DDX56: variants seen among roughly 807,000 people sequenced by gnomAD.
The protein encoded by DDX56 is DEAD-box helicase 56.
DDX56 carries 45 observed loss-of-function variants against 61.5 expected under a neutral mutation model. The ratio of observed to expected loss-of-function variants is 0.73; its 90% CI spans 0.58 to 0.94. DDX56 has a LOEUF of 0.94. Among genes scored for constraint, DDX56 ranks in the 40% least tolerant of loss-of-function variants. DDX56 has a pLI of 0.00. For synonymous variants in DDX56, 273 were observed against 268.3 expected (o/e 1.02, Z -0.17); for missense variants, 708 against 690.7 (o/e 1.02, Z -0.28).
chr7:44,573,469 C>T, intron 2 of DDX56, 114 bp downstream of exon 2: 1 of 1,396,228 alleles, frequency 7.2e-7, no homozygotes, highest in Non-Finnish European at 9.7e-7. Flanking sequence ...ACCAGGTTCT[C>T]AGGCCGGCCT....
chr7:44,573,813 G>C (rs1802745538), intron 1 of DDX56, 23 bp downstream of exon 1: 1 of 1,613,226 alleles, frequency 6.2e-7, no homozygotes, highest in African/African-American at 1.3e-5. Context: ...CCCGTAAGCC[G>C]GCTCCCCAGC....
intron 5 of DDX56, 75 bp from the exon 6 acceptor site, chr7:44,571,811 A>G: frequency 6.4e-7 from 1 of 1,574,098 alleles, no homozygotes; most frequent in Admixed American, 1.7e-5. Flanking sequence ...CACCAACCAA[A>G]GCATCAACAT....
Position 44,572,754 on chromosome 7 carries a change from G to T in DDX56, c.384-10C>A. 1.2e-6 allele frequency: 2 copies of T among 1,614,020 alleles called. No homozygotes were observed. The highest frequency in any genetic ancestry group is 1.6e-4 in the Middle Eastern group (1 of 6,062). ...CTCCATCAGCACAGCTCTGGAGGTG[G>T]ACAAGACATCAGTATCAGGCAGAAT... On this transcript the variant is annotated splice_polypyrimidine_tract_variant and intron_variant, in intron 3 of 13. Coordinates refer to ENST00000258772, the MANE Select transcript of DDX56 (RefSeq NM_019082.4).
intron 13 of DDX56, 170 bp from the exon 14 acceptor site, chr7:44,566,249 G>T (rs1321726517): frequency 2.9e-6 from 2 of 685,236 alleles, no homozygotes; most frequent in Non-Finnish European, 5.1e-6. Flanking sequence ...GGAAAGAAAA[G>T]CAGGGCCTGC....
chr7:44,573,798 C>T (rs941639922), intron 1 of DDX56, 38 bp downstream of exon 1: 7 of 1,613,296 alleles, frequency 4.3e-6, no homozygotes, highest in Non-Finnish European at 5.9e-6. Context: ...GCGCGCCCCG[C>T]AGAGCCCGTA....
chr7:44,569,696 T>A (rs1287183718), intron 9 of DDX56, 113 bp downstream of exon 9: 3 of 908,734 alleles, frequency 3.3e-6, no homozygotes, highest in Non-Finnish European at 5.2e-6. Flanking sequence ...GGATGGATGG[T>A]GGAAGTGGCC....
At position 44,573,625 on chromosome 7, in the gene DDX56, A is replaced by T. The variant is rs767680127; in HGVS notation, c.180T>A (p.Ala60=). 9.3e-6 allele frequency: 15 copies of T among 1,613,872 alleles called. 1 individual carries two copies. The highest frequency in any genetic ancestry group is 8.9e-5 in the East Asian group (4 of 44,890). Residue 60 remains alanine (A), a synonymous_variant, in exon 2 of 14, where the codon GCT becomes GCA. Transcript: ENST00000258772. ...ACAGCTGCAGCATCGGAATAGCATA[A>T]GCGGCCGTCTTCCCGGAGCCCGTGC... The part of the protein sequence containing the change: ...RARTGSGKTA[A]YAIPMLQLLL...
chr7:44,572,407 G>A lies in DDX56; in HGVS notation c.585C>T (p.Leu195=), dbSNP rs144360195. 33 of 1,614,122 alleles carry A rather than the reference G, an allele frequency of 2.0e-5. No homozygotes were observed. In the African/African-American group the frequency reaches 3.2e-4, roughly 16 times the overall value. Residue 195 remains leucine (L), a synonymous_variant, in exon 5 of 14, where the codon CTC becomes CTT. Transcript: ENST00000258772. ...CHLPRIYQAF[L]MSATFNEDVQ... ...CGTCCTCGTTAAAAGTAGCTGACATGAGAAAAGCCTGGTAAATCCGGGGCA... is the reference window on the plus strand; with the variant it reads ...CGTCCTCGTTAAAAGTAGCTGACATAAGAAAAGCCTGGTAAATCCGGGGCA...
Position 44,569,156 on chromosome 7 carries a change from TCTC to T in DDX56, c.1264_1266del (p.Glu422del), listed in dbSNP as rs1324262975. On this transcript the variant is annotated inframe_deletion, in exon 10 of 14. Coordinates refer to ENST00000258772, the MANE Select transcript of DDX56 (RefSeq NM_019082.4). ...CTGCAGCGATAGCGGAAGCCCTCGA[TCTC>T]CTCCATCCGGAACTGGTAGGGGAGC... 6.2e-7 allele frequency: 1 copy of T among 1,613,970 alleles called. No individual in the cohort carries two copies. The highest frequency in any genetic ancestry group is 8.5e-7 in the Non-Finnish European group (1 of 1,179,996).
chr7:44,571,920 T>C (rs553081990), intron 5 of DDX56, among the ~76,000 whole-genome samples, 184 bp from the exon 6 acceptor site: 3 of 152,342 alleles, frequency 2.0e-5, no homozygotes, highest in Admixed American at 2.0e-4. Flanking sequence ...TGTTGTGGTA[T>C]ATAGAGTATA....
chr7:44,568,066 T>C (rs1211346471), intron 12 of DDX56, 52 bp downstream of exon 12: 2 of 1,444,156 alleles, frequency 1.4e-6, no homozygotes, highest in African/African-American at 1.4e-5. Flanking sequence ...AGTGGAGAAA[T>C]TAATGCCACT....
chr7:44,570,270 C>T (rs1802639213), intron 7 of DDX56, 142 bp from the exon 8 acceptor site: 26 of 1,143,514 alleles, frequency 2.3e-5, no homozygotes, highest in Non-Finnish European at 3.2e-5. Flanking sequence ...TGGAACCGTT[C>T]CAGGAGTCAG....
At chr7:44,572,474 G>C (rs1802701603) in intron 4 of DDX56, 37 bp from the exon 5 acceptor site, 7 of 1,613,172 alleles carry the variant, frequency 4.3e-6, no homozygotes, top group East Asian at 2.2e-5. Flanking sequence ...CCAGCTCCAA[G>C]GGCCGCTAAT....
intron 9 of DDX56, 21 bp downstream of exon 9, chr7:44,569,788 C>T (rs769413068): frequency 1.3e-6 from 2 of 1,589,202 alleles, no homozygotes; most frequent in Non-Finnish European, 1.7e-6. Flanking sequence ...TGGCCCAGGA[C>T]CACAAGAGCC....
chr7:44,571,005 A>G (rs1034345429), intron 6 of DDX56, 128 bp from the exon 7 acceptor site: 64 of 1,193,358 alleles, frequency 5.4e-5, no homozygotes, highest in Non-Finnish European at 5.9e-5. Context: ...CTACTTAATC[A>G]TTGTGCCTCA....
At chr7:44,569,292 G>A in intron 9 of DDX56, 89 bp from the exon 10 acceptor site, 2 of 1,289,156 alleles carry the variant, frequency 1.6e-6, no homozygotes, top group Non-Finnish European at 2.2e-6. Context: ...CCCCTTGGGG[G>A]AAAGCAGCAG....
In DDX56 at chr7:44,567,218, C is replaced by G. The variant is rs182693640; in HGVS notation, c.1490-694G>C. ...CTCTGGCATTTTCATGTTCCCATCT[C>G]TTCTGGATCCTTCCTTTCCCAGTGC... On this transcript the variant is annotated intron_variant, in intron 12 of 13. Transcript: ENST00000258772. Among the ~76,000 whole-genome samples the G allele has an allele frequency of 1.2e-3, 184 of 152,202 alleles. 6 individuals carry two copies. In the South Asian group the frequency reaches 0.037, roughly 30 times the overall value.
At position 44,566,728 on chromosome 7, in the gene DDX56, G is replaced by A. The variant is rs17725287; in HGVS notation, c.1490-204C>T. ...TTAAATCACTCTCCTATATTGTTTA[G>A]ATTTGTTACAACAAACATGTAACAA... On this transcript the variant is annotated intron_variant, in intron 12 of 13. Coordinates refer to ENST00000258772, the MANE Select transcript of DDX56 (RefSeq NM_019082.4). Among the ~76,000 whole-genome samples, 376 of 152,220 alleles carry A rather than the reference G, an allele frequency of 2.5e-3. 6 individuals carry two copies. The East Asian group carries it at 0.028, about 11-fold the overall frequency.
chr7:44,573,245 G>A (rs1017429288), intron 2 of DDX56, among the ~76,000 whole-genome samples, 195 bp from the exon 3 acceptor site: 4 of 152,176 alleles, frequency 2.6e-5, no homozygotes, highest in African/African-American at 9.7e-5. Context: ...AAAGAATAAC[G>A]TACTCTGATG....
Sources: gnomAD v4.1 joint callset for allele counts (sites outside exome capture counted in the v4.1 genomes callset) on GRCh38, gnomAD v4.1.1 for gene constraint, MANE v1.5 for transcripts, NCBI Gene and HGNC (gene_info 2026-07-23, HGNC 2026-07-21) for gene names.